MOCOS: variants seen among roughly 807,000 people sequenced by gnomAD.
The protein encoded by MOCOS is molybdenum cofactor sulfurase.
In MOCOS, 86 loss-of-function variants were observed where a neutral mutation model predicts 83.6. That is an observed-to-expected ratio of 1.03 (90% CI 0.86 to 1.23). The LOEUF is 1.23. MOCOS is among the 50% of genes most tolerant of loss of function. MOCOS has a pLI of 0.00. For missense variants in MOCOS, 1,120 were observed against 1,126.9 expected, an observed-to-expected ratio of 0.99 and a Z score of 0.09; for synonymous variants, 445 against 434.7, an observed-to-expected ratio of 1.02 and a Z score of -0.29.
intron 13 of MOCOS, 82 bp downstream of exon 13, chr18:36,260,257 G>A: frequency 1.9e-6 from 3 of 1,573,104 alleles, no homozygotes; most frequent in Non-Finnish European, 2.6e-6. Flanking sequence ...GATAGCTGCA[G>A]GTGGGACTCC....
chr18:36,210,832 C>T (rs2091452064), intron 6 of MOCOS, among the ~76,000 whole-genome samples: 1 of 97,444 alleles, frequency 1.0e-5, no homozygotes, highest in Non-Finnish European at 2.0e-5. Flanking sequence ...GCCTGGGTGA[C>T]AGAGCAAGAC....
intron 11 of MOCOS, 146 bp downstream of exon 11, chr18:36,251,429 G>A (rs777632690): frequency 8.9e-6 from 10 of 1,117,336 alleles, no homozygotes; most frequent in South Asian, 1.3e-5. Context: ...ACCTACTGCA[G>A]TAGCCCCAGG....
chr18:36,266,873 A>T lies in MOCOS; in HGVS notation c.2514+20A>T. On this transcript the variant is annotated intron_variant, in intron 14 of 14. Transcript: ENST00000261326. ...ACAAAGGTAAGCGTGATTGCAAAAT[A>T]TGACACCTGGTTTCCAATCCTGGTG... 6.3e-7 allele frequency: 1 copy of T among 1,583,520 alleles called. No homozygotes were observed.
Position 36,215,765 on chromosome 18 carries a change from C to T in MOCOS, c.1585C>T (p.Leu529Phe), listed in dbSNP as rs548558108. Residue 529 changes from leucine to phenylalanine, a missense_variant, in exon 8 of 15, where the codon CTC becomes TTC. By Grantham distance (22) the Leu-to-Phe change is conservative. Transcript: ENST00000261326. ...VIPAVMGRRS[L>F]SPQEDALTGS... is the part of the protein sequence containing the mutation. Reference sequence around the variant, plus strand: ...ACCTGCTGTCATGGGCAGACGTAGCCTCTCGCCTCAGGAAGATGCCCTCAC... The same window carrying T: ...ACCTGCTGTCATGGGCAGACGTAGCTTCTCGCCTCAGGAAGATGCCCTCAC... 1 of 1,614,202 alleles carries T rather than the reference C, an allele frequency of 6.2e-7. No individual in the cohort carries two copies. Among genetic ancestry groups the T allele is most frequent in the Non-Finnish European group, 8.5e-7 (1 of 1,180,052 alleles).
At chr18:36,211,073 T>C (rs1374489646) in intron 6 of MOCOS, among the ~76,000 whole-genome samples, 1 of 152,016 alleles carries the variant, frequency 6.6e-6, no homozygotes, top group East Asian at 1.9e-4. Context: ...ATTCTGTGGC[T>C]AAGGCATGAC....
chr18:36,203,380 GT>G (rs1234095619), intron 5 of MOCOS, among the ~76,000 whole-genome samples, 191 bp downstream of exon 5: 1 of 152,150 alleles, frequency 6.6e-6, no homozygotes, highest in Non-Finnish European at 1.5e-5. Flanking sequence ...TTTTTGGATT[GT>G]TTTTTGTTTT....
chr18:36,227,235 A>G (rs1051174545), intron 9 of MOCOS, among the ~76,000 whole-genome samples: 9 of 148,862 alleles, frequency 6.0e-5, no homozygotes, highest in African/African-American at 9.9e-5. Flanking sequence ...TTTAACACAT[A>G]TGTATATATT....
intron 9 of MOCOS, among the ~76,000 whole-genome samples, chr18:36,226,330 A>G (rs373820448): frequency 6.6e-6 from 1 of 152,106 alleles, no homozygotes; most frequent in Non-Finnish European, 1.5e-5. Flanking sequence ...GGACATAATT[A>G]TAGCCACTCC....
intron 13 of MOCOS, among the ~76,000 whole-genome samples, chr18:36,264,616 C>T (rs1302079646): frequency 2.6e-5 from 4 of 152,056 alleles, no homozygotes; most frequent in Non-Finnish European, 4.4e-5. Flanking sequence ...GACAAGGAAA[C>T]GATATCTGGA....
At position 36,260,092 on chromosome 18, in the gene MOCOS, C is replaced by G; in HGVS notation, c.2326C>G (p.Arg776Gly). 1 of 1,614,138 alleles carries G rather than the reference C, an allele frequency of 6.2e-7. No individual in the cohort carries two copies. Among genetic ancestry groups the G allele is most frequent in the South Asian group, 1.1e-5 (1 of 91,084 alleles). Residue 776 changes from arginine to glycine, a missense_variant, in exon 13 of 15, where the codon CGT becomes GGT. Arg to Gly is a moderately radical substitution (Grantham distance 125, BLOSUM62 -2). Coordinates refer to ENST00000261326, the MANE Select transcript of MOCOS (RefSeq NM_017947.4). ...FSLKDLSLRF[R>G]ANIIINGKRA... Reference sequence around the variant, plus strand: ...ACTGAAGGATCTCAGCTTGCGTTTTCGTGCCAATATTATTATCAATGGAAA... The same window carrying G: ...ACTGAAGGATCTCAGCTTGCGTTTTGGTGCCAATATTATTATCAATGGAAA...
At chr18:36,198,822 G>A in intron 3 of MOCOS, 66 bp downstream of exon 3, 2 of 1,543,506 alleles carry the variant, frequency 1.3e-6, no homozygotes, top group Non-Finnish European at 1.8e-6. Flanking sequence ...CCTAGGACTT[G>A]CCTGCATCCC....
chr18:36,231,186 A>G (rs922243463), intron 9 of MOCOS, among the ~76,000 whole-genome samples: 2 of 152,036 alleles, frequency 1.3e-5, no homozygotes, highest in Non-Finnish European at 2.9e-5. Context: ...TGTTTATCAT[A>G]TTTTTTCCCA....
At chr18:36,207,125 C>A (rs2091437783) in intron 6 of MOCOS, among the ~76,000 whole-genome samples, 1 of 152,168 alleles carries the variant, frequency 6.6e-6, no homozygotes, top group Non-Finnish European at 1.5e-5. Flanking sequence ...CAAACTCCGC[C>A]TCCTGGGTTC....
At chr18:36,201,550 T>C (rs1326816958) in intron 4 of MOCOS, among the ~76,000 whole-genome samples, 3 of 149,306 alleles carry the variant, frequency 2.0e-5, no homozygotes, top group Admixed American at 1.4e-4. Context: ...TAATCTCAGC[T>C]GCTCAAGAGA....
chr18:36,202,015 G>A (rs1192494771), intron 4 of MOCOS, among the ~76,000 whole-genome samples: 3 of 152,014 alleles, frequency 2.0e-5, no homozygotes, highest in Non-Finnish European at 4.4e-5. Context: ...GGGCTGGGGG[G>A]GATCAGACCT....
Position 36,271,254 on chromosome 18 carries a change from G to A in MOCOS, c.*2569G>A, listed in dbSNP as rs1246698070. 6.6e-6 allele frequency: 1 copy of A among 152,134 alleles called. No homozygotes were observed. Among genetic ancestry groups the A allele is most frequent in the African/African-American group, 2.4e-5 (1 of 41,442 alleles). The allele number at this position is 152,134 out of a possible 1,614,324, so 9.4% of individuals were successfully genotyped here. ...TGTAAGCTCCATGAGGACAAGTCCTGTGCCAGTATATCTCTAGTGTCAGCA... is the reference window on the plus strand; with the variant it reads ...TGTAAGCTCCATGAGGACAAGTCCTATGCCAGTATATCTCTAGTGTCAGCA... On this transcript the variant is annotated 3_prime_UTR_variant, in exon 15 of 15. Coordinates refer to ENST00000261326, the MANE Select transcript of MOCOS (RefSeq NM_017947.4).
intron 13 of MOCOS, among the ~76,000 whole-genome samples, chr18:36,264,182 A>G (rs1450514261): frequency 6.6e-6 from 1 of 152,178 alleles, no homozygotes; most frequent in Non-Finnish European, 1.5e-5. Context: ...TTCACCTCAC[A>G]AAGAAAAAAA....
At chr18:36,244,504 A>G (rs1019083978) in intron 9 of MOCOS, among the ~76,000 whole-genome samples, 17 of 152,048 alleles carry the variant, frequency 1.1e-4, no homozygotes, top group East Asian at 3.9e-4. Flanking sequence ...TCTAATTTCA[A>G]TTTTCTTAAA....
At chr18:36,195,594 G>A (rs2091384348) in intron 2 of MOCOS, among the ~76,000 whole-genome samples, 1 of 152,184 alleles carries the variant, frequency 6.6e-6, no homozygotes, top group Admixed American at 6.5e-5. Flanking sequence ...GTGTTAGGAA[G>A]GGCACAGAGA....
Sources: gnomAD v4.1 joint callset for allele counts (sites outside exome capture counted in the v4.1 genomes callset) on GRCh38, gnomAD v4.1.1 for gene constraint, MANE v1.5 for transcripts, NCBI Gene and HGNC (gene_info 2026-07-23, HGNC 2026-07-21) for gene names.